LAMB2: variants seen among roughly 807,000 people sequenced by gnomAD.
The protein encoded by LAMB2 is laminin subunit beta 2.
A neutral mutation model predicts 202.7 loss-of-function variants in LAMB2; 119 were observed. The observed-to-expected ratio is 0.59, with a 90% confidence interval of 0.51 to 0.68. The LOEUF is 0.68. Ranked by LOEUF, LAMB2 falls within the 30% of genes least tolerant of loss-of-function variation. LAMB2 has a pLI of 0.00. For synonymous variants in LAMB2, 818 were observed against 902.2 expected, an observed-to-expected ratio of 0.91 and a Z score of 1.67; for missense variants, 2,124 against 2,410.6, an observed-to-expected ratio of 0.88 and a Z score of 2.49.
In LAMB2 at chr3:49,132,088, T is replaced by C. The variant is rs747880471; in HGVS notation, c.459+28A>G. On this transcript the variant is annotated intron_variant, in intron 4 of 31. Transcript: ENST00000305544. This position sits in a 1 kb window ranked among gnomAD's most constrained non-coding sequence, Gnocchi z 4.6. ...GCAATGGAGAGCCAAGCAGGGTGAT[T>C]CGGGCAGGCTCCCAGATATGCAGGC... The C allele has an allele frequency of 6.2e-7, 1 of 1,607,144 alleles. No homozygotes were observed. Among genetic ancestry groups the C allele is most frequent in the South Asian group, 1.1e-5 (1 of 90,856 alleles).
rs777070611 is a variant in LAMB2 at position 49,126,029 on chromosome 3, G to A, written c.2282C>T (p.Pro761Leu). 6.8e-6 allele frequency: 11 copies of A among 1,614,058 alleles called. No homozygotes were observed. In the South Asian group the frequency reaches 8.8e-5, roughly 13 times the overall value. ...GAGGAGGGGTGCGCAGGCCTCAGAG[G>A]GAGAAGTCTTGCTGGGCACCAGACC... ...EEGLVPSKTS[P>L]SEACAPLLIS... Residue 761 changes from proline to leucine, a missense_variant, in exon 17 of 32, where the codon CCC (proline) becomes CTC (leucine). By Grantham distance (98) the Pro-to-Leu change is moderately conservative. This residue lies in a region of LAMB2 where 1,702 missense variants were observed against 1,896.3 expected (regional missense o/e 0.90). Transcript: ENST00000305544.
In LAMB2 at chr3:49,126,377, C is replaced by T. The variant is rs1351443145; in HGVS notation, c.2139G>A (p.Leu713=). The T allele has an allele frequency of 6.2e-7, 1 of 1,614,182 alleles. No homozygotes were observed. The highest frequency in any genetic ancestry group is 1.7e-5 in the Admixed American group (1 of 60,026). ...QPETPYSGPG[L]LIDSLVLLPR... is the part of the protein sequence containing the mutation. ...GGAGATTATTCACCGAGTCAATGAG[C>T]AGGCCAGGTCCAGAGTAGGGAGTCT... The change falls in exon 16 of 32, where the codon CTG becomes CTA. Residue 713 remains leucine, a synonymous_variant. Transcript: ENST00000305544.
chr3:49,121,913 T>C (rs780304096), intron 29 of LAMB2, 31 bp downstream of exon 29: 1 of 1,613,880 alleles, frequency 6.2e-7, no homozygotes, highest in Non-Finnish European at 8.5e-7. Context: ...GCCCATAACC[T>C]TGTCCCACTG....
Position 49,130,427 on chromosome 3 carries a change from G to A in LAMB2, c.1037-8C>T, listed in dbSNP as rs1397353363. 1 of 1,613,948 alleles carries A rather than the reference G, an allele frequency of 6.2e-7. No homozygotes were observed. The highest frequency in any genetic ancestry group is 8.5e-7 in the Non-Finnish European group (1 of 1,180,034). On this transcript the variant is annotated splice_region_variant and splice_polypyrimidine_tract_variant and intron_variant, in intron 8 of 31. Coordinates refer to ENST00000305544, the MANE Select transcript of LAMB2 (RefSeq NM_002292.4). This position sits in a 1 kb window ranked among gnomAD's most constrained non-coding sequence, Gnocchi z 5.0. ...GCCCATGGCACTCACACTCTGGCAG[G>A]GGAGGAAGGGCAGGGCAAAGGCCAC...
intron 13 of LAMB2, 70 bp downstream of exon 13, chr3:49,128,950 T>C: frequency 6.2e-7 from 1 of 1,601,704 alleles, no homozygotes; most frequent in Non-Finnish European, 8.5e-7. Context: ...GTACTGCCCA[T>C]AACCCCACCT....
Position 49,129,069 on chromosome 3 carries a change from CG to C in LAMB2, c.1681del (p.Arg561GlyfsTer7). On this transcript the variant is annotated frameshift_variant, in exon 13 of 32. Transcript: ENST00000305544. LOFTEE classifies it high-confidence loss of function. The surrounding 1 kb of genome is among the most constrained non-coding windows in gnomAD (Gnocchi z 6.1). ...CCAAATTAGGTGGTCCAGGAAGGGC[CG>C]GAAGTAGCCAGGTTGCACCTGCTCA... is the stretch of plus-strand genomic sequence containing the variant. The part of the protein sequence containing the change: ...RCEQVQPGYF[R>X]PFLDHLIWEA... 1 of 1,613,416 alleles carries C rather than the reference CG, an allele frequency of 6.2e-7. No homozygotes were observed. The highest frequency in any genetic ancestry group is 8.5e-7 in the Non-Finnish European group (1 of 1,180,032).
At position 49,132,023 on chromosome 3, in the gene LAMB2, T is replaced by C; in HGVS notation, c.459+93A>G. On this transcript the variant is annotated intron_variant, in intron 4 of 31. Coordinates refer to ENST00000305544, the MANE Select transcript of LAMB2 (RefSeq NM_002292.4). The surrounding 1 kb of genome is among the most constrained non-coding windows in gnomAD (Gnocchi z 4.6). ...ATGAAGGAGCCTCCTGCATCCATGC[T>C]CAAGGAGGCTGTGTTAAGGAGCTGA... 8.0e-7 allele frequency: 1 copy of C among 1,251,232 alleles called. No homozygotes were observed. The highest frequency in any genetic ancestry group is 1.2e-6 in the Non-Finnish European group (1 of 851,518). 77.5% of individuals were successfully genotyped at this position (1,251,232 alleles called of 1,614,324 possible). A position where few individuals can be genotyped will look rare whatever the true frequency, so the allele number is the denominator to read the frequency against.
chr3:49,128,952 ACCCCAC>A (rs2045451291), intron 13 of LAMB2, 62 bp downstream of exon 13: 1 of 1,601,516 alleles, frequency 6.2e-7, no homozygotes, highest in East Asian at 2.2e-5. Flanking sequence ...ACTGCCCATA[ACCCCAC>A]CTCTCCAGTC....
In LAMB2 at chr3:49,132,452, C is replaced by T; in HGVS notation, c.249+39G>A. Reference sequence around the variant, plus strand: ...ATCAGTGCCTCAGGCAGTGCCAGCCCCACCCTGACTCGGCGTCACACCCTG... The same window carrying T: ...ATCAGTGCCTCAGGCAGTGCCAGCCTCACCCTGACTCGGCGTCACACCCTG... On this transcript the variant is annotated intron_variant, in intron 2 of 31. Transcript: ENST00000305544. The surrounding 1 kb of genome is among the most constrained non-coding windows in gnomAD (Gnocchi z 4.6). 6.2e-7 allele frequency: 1 copy of T among 1,614,174 alleles called. No individual in the cohort carries two copies.
In LAMB2 at chr3:49,131,512, C is replaced by A; in HGVS notation, c.648+23G>T. On this transcript the variant is annotated intron_variant, in intron 5 of 31. Transcript: ENST00000305544. This position sits in a 1 kb window ranked among gnomAD's most constrained non-coding sequence, Gnocchi z 5.0. ...GCCCATCATCCCCAGCTTCCAGCCC[C>A]CAGCCCAGATGCCAGCCCTCACCTC... The A allele has an allele frequency of 6.2e-7, 1 of 1,614,034 alleles. No homozygotes were observed.
Position 49,123,970 on chromosome 3 carries a change from A to C in LAMB2, c.3555T>G (p.Pro1185=). The C allele has an allele frequency of 6.2e-7, 1 of 1,613,480 alleles. No individual in the cohort carries two copies. The highest frequency in any genetic ancestry group is 1.1e-5 in the South Asian group (1 of 91,088). The part of the protein sequence containing the change: ...QCARGFSGIF[P]ACHPCHACFG... ...AGCATGCATGGCAGGGATGGCAGGC[A>C]GGAAAGATTCCTGAGAAGCCACGGG... Residue 1185 remains proline, a synonymous_variant, in exon 24 of 32, where the codon CCT becomes CCG. Transcript: ENST00000305544.
At position 49,125,014 on chromosome 3, in the gene LAMB2, C is replaced by T; in HGVS notation, c.2876G>A (p.Gly959Asp). Residue 959 changes from glycine to aspartate, a missense_variant, in exon 20 of 32, where the codon GGC becomes GAC. This residue lies in a region of LAMB2 where 1,702 missense variants were observed against 1,896.3 expected (regional missense o/e 0.90). Transcript: ENST00000305544. The stretch of plus-strand genomic sequence containing the variant: ...TGCCCCCATCCACTCACCCGTATAG[C>T]CTGCCCGGCAGTGGCACACAATCTG... ...SQQIVCHCRA[G>D]YTGLRCEACA... 2 of 1,613,958 alleles carry T rather than the reference C, an allele frequency of 1.2e-6. No individual in the cohort carries two copies. Among genetic ancestry groups the T allele is most frequent in the Non-Finnish European group, 1.7e-6 (2 of 1,180,038 alleles).
At chr3:49,128,036 AAAAG>A (rs1560074953) in intron 15 of LAMB2, among the ~76,000 whole-genome samples, 3 of 149,696 alleles carry the variant, frequency 2.0e-5, no homozygotes, top group African/African-American at 7.4e-5. Context: ...AAAAAAAAAA[AAAAG>A]AAAAGAAAAG....
chr3:49,124,735 G>A lies in LAMB2; in HGVS notation c.3075C>T (p.Gly1025=), dbSNP rs1244709669. 6.2e-7 allele frequency: 1 copy of A among 1,614,096 alleles called. No homozygotes were observed. The highest frequency in any genetic ancestry group is 1.3e-5 in the African/African-American group (1 of 74,944). Residue 1025 remains glycine (G), a synonymous_variant, in exon 21 of 32, where the codon GGC becomes GGT. Transcript: ENST00000305544. ...TCTGTCGGGCAGCCTGCCCATGGAA[G>A]CCAGGCTTGCAGTGGGCACAGTGTG... ...EGPHCAHCKP[G]FHGQAARQSC...
At position 49,122,348 on chromosome 3, in the gene LAMB2, G is replaced by A; in HGVS notation, c.4596C>T (p.Ser1532=). The A allele has an allele frequency of 6.2e-7, 1 of 1,613,362 alleles. No individual in the cohort carries two copies. Among genetic ancestry groups the A allele is most frequent in the Non-Finnish European group, 8.5e-7 (1 of 1,180,020 alleles). ...GCACCCGTGTGGCCACCATTTCAATGCTATCAGGATCAGCCCCCTCCTCTA... is the reference window on the plus strand; with the variant it reads ...GCACCCGTGTGGCCACCATTTCAATACTATCAGGATCAGCCCCCTCCTCTA... ...FLNQEGADPD[S]IEMVATRVLE... Residue 1532 remains serine (S), a synonymous_variant, in exon 28 of 32, where the codon AGC becomes AGT. Transcript: ENST00000305544.
chr3:49,126,846 A>C (rs2045421554), intron 15 of LAMB2, among the ~76,000 whole-genome samples: 1 of 152,070 alleles, frequency 6.6e-6, no homozygotes, highest in Non-Finnish European at 1.5e-5. Flanking sequence ...CCTCTTCATC[A>C]ACACTATGTC....
chr3:49,129,071 G>A lies in LAMB2; in HGVS notation c.1680C>T (p.Phe560=). 1 of 1,613,532 alleles carries A rather than the reference G, an allele frequency of 6.2e-7. No individual in the cohort carries two copies. The highest frequency in any genetic ancestry group is 8.5e-7 in the Non-Finnish European group (1 of 1,180,046). The change falls in exon 13 of 32, where the codon TTC becomes TTT. Residue 560 remains phenylalanine (F), a synonymous_variant. Coordinates refer to ENST00000305544, the MANE Select transcript of LAMB2 (RefSeq NM_002292.4). The surrounding 1 kb of genome is among the most constrained non-coding windows in gnomAD (Gnocchi z 6.1). The part of the protein sequence containing the change: ...RRCEQVQPGY[F]RPFLDHLIWE... ...AAATTAGGTGGTCCAGGAAGGGCCG[G>A]AAGTAGCCAGGTTGCACCTGCTCAC...
Position 49,129,324 on chromosome 3 carries a change from G to A in LAMB2, c.1519C>T (p.Pro507Ser), listed in dbSNP as rs143741714. The stretch of plus-strand genomic sequence containing the variant: ...TCGTGGCTCAGGCCCCAGTGGCCAG[G>A]CTGCACGAAAGGAGTTGCTGGGGGC... ...VTGRGCDRCL[P>S]GHWGLSHDLL... Residue 507 changes from proline to serine, a missense_variant and splice_region_variant, in exon 12 of 32, where the codon CCT becomes TCT. Physicochemically the swap from Pro to Ser is moderately conservative, Grantham distance 74. This residue lies in a region of LAMB2 where 1,702 missense variants were observed against 1,896.3 expected (regional missense o/e 0.90). Coordinates refer to ENST00000305544, the MANE Select transcript of LAMB2 (RefSeq NM_002292.4). The surrounding 1 kb of genome is among the most constrained non-coding windows in gnomAD (Gnocchi z 6.1). The A allele has an allele frequency of 2.5e-6, 4 of 1,611,756 alleles. No individual in the cohort carries two copies. In the African/African-American group the frequency reaches 5.3e-5, roughly 22 times the overall value.
chr3:49,128,664 G>C lies in LAMB2; in HGVS notation c.1887C>G (p.Pro629=). The C allele has an allele frequency of 6.2e-7, 1 of 1,614,160 alleles. No homozygotes were observed. The highest frequency in any genetic ancestry group is 8.5e-7 in the Non-Finnish European group (1 of 1,180,026). ...MDYDLLLRLE[P]QVPEQWAELE... ...AGATTAGATAACAGGGTCTAACCTG[G>C]GGCTCTAAGCGCAGCAGCAGGTCAT... Residue 629 remains proline (P), a synonymous_variant, in exon 14 of 32, where the codon CCC becomes CCG. Coordinates refer to ENST00000305544, the MANE Select transcript of LAMB2 (RefSeq NM_002292.4).
Sources: allele counts gnomAD v4.1 joint callset (sites outside exome capture counted in the v4.1 genomes callset), GRCh38; gene constraint gnomAD v4.1.1; regional missense constraint gnomAD v4.1.1; non-coding constraint Gnocchi (gnomAD v3.1); transcripts MANE v1.5; gene names NCBI Gene and HGNC (gene_info 2026-07-23, HGNC 2026-07-21).